Variants in WDFY3 observed in about 807,000 individuals in gnomAD.
WDFY3 encodes the protein WD repeat and FYVE domain containing 3.
Under a neutral mutation model 409.6 loss-of-function variants are expected in WDFY3, and 66 were observed. That is an observed-to-expected ratio of 0.16 (90% CI 0.13 to 0.20). WDFY3 has a LOEUF of 0.20. Among genes scored for constraint, WDFY3 ranks in the 10% least tolerant of loss-of-function variants. The pLI is 1.00. For synonymous variants in WDFY3, 1,521 were observed against 1,537.1 expected, an observed-to-expected ratio of 0.99 and a Z score of 0.25; for missense variants, 3,031 against 4,298.1, an observed-to-expected ratio of 0.71 and a Z score of 8.24.
rs79340466 is a variant in WDFY3, at chr4:84,898,034, T to C, written c.-131-1024A>G. On this transcript the variant is annotated intron_variant, in intron 2 of 67. Coordinates refer to ENST00000295888, the MANE Select transcript of WDFY3 (RefSeq NM_014991.6). ...CCTCTTTTATAGGGATTATAACCTATGGCATATGAAAGAGCCTAAGCTGGC... is the reference window on the plus strand; with the variant it reads ...CCTCTTTTATAGGGATTATAACCTACGGCATATGAAAGAGCCTAAGCTGGC... Among the ~76,000 whole-genome samples, 132 of 152,332 alleles carry C rather than the reference T, an allele frequency of 8.7e-4. 2 individuals are homozygous for C. The East Asian group carries it at 0.025, about 29-fold the overall frequency.
At position 84,755,418 on chromosome 4, in the gene WDFY3, A is replaced by T. The variant is rs370021726; in HGVS notation, c.5425-18T>A. ...AAATCAAACTGCAGAGGTGAAAGGGAGCAAATATTAGCCACCACTAATTTT... is the reference window on the plus strand; with the variant it reads ...AAATCAAACTGCAGAGGTGAAAGGGTGCAAATATTAGCCACCACTAATTTT... On this transcript the variant is annotated intron_variant, in intron 33 of 67. Transcript: ENST00000295888. 2.6e-5 allele frequency: 41 copies of T among 1,585,296 alleles called. No individual in the cohort carries two copies. The highest frequency in any genetic ancestry group is 3.1e-5 in the Non-Finnish European group (36 of 1,171,678).
At position 84,766,100 on chromosome 4, in the gene WDFY3, G is replaced by A. The variant is rs1284899163; in HGVS notation, c.4971-73C>T. 10 of 1,539,536 alleles carry A rather than the reference G, an allele frequency of 6.5e-6. No individual in the cohort carries two copies. The Admixed American group carries it at 9.9e-5, about 15-fold the overall frequency. ...AGAAATTAGGATTTCAAATCAAAAA[G>A]GAAAAAGAAGACTGAGTTTCATTCT... On this transcript the variant is annotated intron_variant, in intron 31 of 67. Coordinates refer to ENST00000295888, the MANE Select transcript of WDFY3 (RefSeq NM_014991.6).
chr4:84,677,317 C>T lies in WDFY3; in HGVS notation c.10339G>A (p.Ala3447Thr). ...TCATCCTTCACCCAGTGATCAGCAGCAGAACGGCCTGGCTGGTCACTCACA... is the reference window on the plus strand; with the variant it reads ...TCATCCTTCACCCAGTGATCAGCAGTAGAACGGCCTGGCTGGTCACTCACA... Reference protein sequence around the residue: ...WSVSDQPGRSAADHWVKDEGG... With the variant: ...WSVSDQPGRSTADHWVKDEGG... The change falls in exon 67 of 68, where the codon GCT becomes ACT. Residue 3447 changes from alanine (A) to threonine (T), a missense_variant. By Grantham distance (58) the Ala-to-Thr change is moderately conservative. Around this residue, in one of 16 missense-constraint regions of WDFY3, gnomAD observed 378 missense variants for 477.3 expected, o/e 0.79. Coordinates refer to ENST00000295888, the MANE Select transcript of WDFY3 (RefSeq NM_014991.6). 3.7e-6 allele frequency: 6 copies of T among 1,614,198 alleles called. No homozygotes were observed. Among genetic ancestry groups the T allele is most frequent in the Non-Finnish European group, 5.1e-6 (6 of 1,180,034 alleles).
intron 46 of WDFY3, among the ~76,000 whole-genome samples, chr4:84,723,503 CTT>C (rs1458140379): frequency 1.3e-5 from 2 of 152,044 alleles, no homozygotes; most frequent in African/African-American, 4.8e-5. Flanking sequence ...TATGCAAAGA[CTT>C]TTGAATTTGT....
At chr4:84,894,717 C>A (rs1384077587) in intron 3 of WDFY3, among the ~76,000 whole-genome samples, 3 of 151,394 alleles carry the variant, frequency 2.0e-5, no homozygotes, top group Admixed American at 6.6e-5. Context: ...ACCCAGGAGG[C>A]AGAGGATGCA....
In WDFY3 at chr4:84,803,478, A is replaced by C; in HGVS notation, c.2430-11T>G. ...GAATGATATGCATGCCTATAAAAAAAGAAAGAGTAAATTTGGTATTGAATT... is the reference window on the plus strand; with the variant it reads ...GAATGATATGCATGCCTATAAAAAACGAAAGAGTAAATTTGGTATTGAATT... On this transcript the variant is annotated splice_polypyrimidine_tract_variant and intron_variant, in intron 15 of 67. Transcript: ENST00000295888. 6.3e-7 allele frequency: 1 copy of C among 1,596,468 alleles called. No homozygotes were observed. Among genetic ancestry groups the C allele is most frequent in the East Asian group, 2.2e-5 (1 of 44,728 alleles).
rs772525235 is a variant in WDFY3, at chr4:84,739,036, C to T, written c.6548G>A (p.Gly2183Asp). The part of the protein sequence containing the change: ...IMIPSDIEPD[G>D]SYSQDISEGR... Reference sequence around the variant, plus strand: ...TTCACTAATATCTTGGCTGTAACTACCATCTGGTTCAATGTCCGAGGGGAT... The same window carrying T: ...TTCACTAATATCTTGGCTGTAACTATCATCTGGTTCAATGTCCGAGGGGAT... The change falls in exon 40 of 68, where the codon GGT (glycine) becomes GAT (aspartate). Residue 2183 changes from glycine to aspartate, a missense_variant. By Grantham distance (94) the Gly-to-Asp change is moderately conservative (BLOSUM62 -1). Transcript: ENST00000295888. The T allele has an allele frequency of 3.1e-6, 5 of 1,613,970 alleles. No homozygotes were observed. Among genetic ancestry groups the T allele is most frequent in the Non-Finnish European group, 4.2e-6 (5 of 1,179,972 alleles).
intron 1 of WDFY3, among the ~76,000 whole-genome samples, chr4:84,960,559 A>T (rs983777279): frequency 1.3e-5 from 2 of 152,238 alleles, no homozygotes; most frequent in Non-Finnish European, 2.9e-5. Flanking sequence ...TTAAACAAAC[A>T]TCTTTCATTA....
Position 84,751,530 on chromosome 4 carries a change from G to C in WDFY3, c.5926C>G (p.Leu1976Val). ...MRVLIIDNLC[L>V]TPASKQTPLI... ...GGAGTTTGCTTGCTGGCAGGAGTGA[G>C]ACAGAGGTTGTCTATGATTAAGACC... Residue 1976 changes from leucine to valine, a missense_variant, in exon 36 of 68, where the codon CTC becomes GTC. By Grantham distance (32) the Leu-to-Val change is conservative. Transcript: ENST00000295888. 6.2e-7 allele frequency: 1 copy of C among 1,614,198 alleles called. No homozygotes were observed. Among genetic ancestry groups the C allele is most frequent in the Non-Finnish European group, 8.5e-7 (1 of 1,180,032 alleles).
rs777370874 is a variant in WDFY3 at position 84,810,093 on chromosome 4, C to G, written c.2139G>C (p.Glu713Asp). ...GAAATCGAACAGCATCTGCCAACTT[C>G]TCATACTGAATCTCTGTTTTGAAGA... ...SHFFKTEIQY[E>D]KLADAVRFLG... Residue 713 changes from glutamate to aspartate, a missense_variant, in exon 14 of 68, where the codon GAG becomes GAC. Glu to Asp is a conservative substitution (Grantham distance 45). Transcript: ENST00000295888. 4 of 1,614,082 alleles carry G rather than the reference C, an allele frequency of 2.5e-6. No homozygotes were observed. Among genetic ancestry groups the G allele is most frequent in the Non-Finnish European group, 3.4e-6 (4 of 1,180,020 alleles).
chr4:84,766,388 A>G lies in WDFY3; in HGVS notation c.4850-16T>C. Reference sequence around the variant, plus strand: ...TCTTCAGTTCCTAAAATAAAAATAAATACATTAAATCTCCCTAGTAGATAA... The same window carrying G: ...TCTTCAGTTCCTAAAATAAAAATAAGTACATTAAATCTCCCTAGTAGATAA... On this transcript the variant is annotated splice_polypyrimidine_tract_variant and intron_variant, in intron 30 of 67. Coordinates refer to ENST00000295888, the MANE Select transcript of WDFY3 (RefSeq NM_014991.6). 2 of 1,576,040 alleles carry G rather than the reference A, an allele frequency of 1.3e-6. No homozygotes were observed. The highest frequency in any genetic ancestry group is 1.7e-6 in the Non-Finnish European group (2 of 1,167,946).
intron 32 of WDFY3, among the ~76,000 whole-genome samples, chr4:84,764,686 C>T (rs1278156113): frequency 6.6e-6 from 1 of 151,676 alleles, no homozygotes; most frequent in Admixed American, 6.6e-5. Flanking sequence ...ATGGTGAAAC[C>T]CCGTCTCTAC....
chr4:84,772,517 C>T (rs1744844210), intron 30 of WDFY3, among the ~76,000 whole-genome samples: 1 of 152,032 alleles, frequency 6.6e-6, no homozygotes, highest in Non-Finnish European at 1.5e-5. Flanking sequence ...GATATACATA[C>T]ATTTAAAAAA....
intron 32 of WDFY3, among the ~76,000 whole-genome samples, chr4:84,759,477 C>T (rs1408648165): frequency 3.3e-5 from 5 of 151,518 alleles, no homozygotes; most frequent in Non-Finnish European, 5.9e-5. Flanking sequence ...TCTTTTATTT[C>T]CTTGAGCAGT....
chr4:84,716,043 C>G (rs189550086), intron 49 of WDFY3, among the ~76,000 whole-genome samples: 123 of 151,974 alleles, frequency 8.1e-4, no homozygotes, highest in Admixed American at 3.3e-3. Flanking sequence ...AAGATAATTA[C>G]CCAAATTTTA....
intron 49 of WDFY3, 103 bp downstream of exon 49, chr4:84,716,793 T>C (rs967577887): frequency 1.0e-5 from 10 of 989,990 alleles, no homozygotes; most frequent in South Asian, 4.1e-5. Context: ...AGTGAGACTC[T>C]GTCTCAAAAA....
intron 1 of WDFY3, among the ~76,000 whole-genome samples, chr4:84,958,638 G>T (rs1346201767): frequency 6.6e-6 from 1 of 152,156 alleles, no homozygotes; most frequent in Non-Finnish European, 1.5e-5. Flanking sequence ...AGACAGGAAT[G>T]CATCTCTGCC....
chr4:84,720,658 T>G (rs1734707860), intron 47 of WDFY3, among the ~76,000 whole-genome samples: 2 of 152,186 alleles, frequency 1.3e-5, no homozygotes, highest in Admixed American at 1.3e-4. Flanking sequence ...TGCCATGAGT[T>G]AAAGCTTTCT....
chr4:84,810,158 A>G lies in WDFY3; in HGVS notation c.2074T>C (p.Leu692=). The G allele has an allele frequency of 1.9e-6, 3 of 1,614,172 alleles. No homozygotes were observed. Among genetic ancestry groups the G allele is most frequent in the Non-Finnish European group, 2.5e-6 (3 of 1,179,992 alleles). The change falls in exon 14 of 68, where the codon TTG becomes CTG. Residue 692 remains leucine, a synonymous_variant. Transcript: ENST00000295888. ...GGCTCATAGCGCATTGCTGCAGTCA[A>G]CGTGCAGAACACAGTGTGAAGAAGT... ...FELLHTVFCT[L]TAAMRYEPAN... is the part of the protein sequence containing the mutation.
Sources: allele counts gnomAD v4.1 joint callset (sites outside exome capture counted in the v4.1 genomes callset), GRCh38; gene constraint gnomAD v4.1.1; regional missense constraint gnomAD v4.1.1; transcripts MANE v1.5; gene names NCBI Gene and HGNC (gene_info 2026-07-23, HGNC 2026-07-21).